The following LOC128462377 variants were observed in gnomAD, a reference collection of about 807,000 sequenced individuals.
chr16:89,336,655 G>A, the LOC128462377 span, among the ~76,000 whole-genome samples: 2 of 152,172 alleles, frequency 1.3e-5, no homozygotes, highest in South Asian at 4.1e-4. Context: ...CACCCCCCGG[G>A]TGGGCCACGA....
chr16:89,334,070 G>A, the LOC128462377 span, among the ~76,000 whole-genome samples: 1 of 147,922 alleles, frequency 6.8e-6, no homozygotes, highest in African/African-American at 2.5e-5. Context: ...CAAGCACTTT[G>A]GAAGGCTGAG....
chr16:89,354,117 G>A, the LOC128462377 span, among the ~76,000 whole-genome samples: 1 of 152,040 alleles, frequency 6.6e-6, no homozygotes, highest in African/African-American at 2.4e-5. Flanking sequence ...CGCCTGCAAG[G>A]TCACTCCACT....
chr16:89,381,354 A>AAAAAAAAAAAAAAAAAAAAAG, the LOC128462377 span, among the ~76,000 whole-genome samples: 1 of 125,332 alleles, frequency 8.0e-6, no homozygotes, highest in African/African-American at 3.3e-5. Flanking sequence ...AAAAAAAAAA[A>AAAAAAAAAAAAAAAAAAAAAG]GGGGTGAGAA....
chr16:89,371,344 G>A, the LOC128462377 span, among the ~76,000 whole-genome samples: 66 of 152,296 alleles, frequency 4.3e-4, no homozygotes, highest in African/African-American at 6.3e-4. Context: ...GACAAGCACC[G>A]CCAGTGTCCA....
chr16:89,378,976 G>C, the LOC128462377 span, among the ~76,000 whole-genome samples: 2 of 152,256 alleles, frequency 1.3e-5, no homozygotes, highest in African/African-American at 4.8e-5. Context: ...TCAAGGTTCT[G>C]ACGGCACACT....
chr16:89,386,837 G>C, the LOC128462377 span, among the ~76,000 whole-genome samples: 1 of 152,194 alleles, frequency 6.6e-6, no homozygotes, highest in Non-Finnish European at 1.5e-5. Flanking sequence ...TGAAGACTCA[G>C]TCCTATCACA....
chr16:89,318,310 TCA>T, the LOC128462377 span, among the ~76,000 whole-genome samples: 1 of 152,114 alleles, frequency 6.6e-6, no homozygotes, highest in African/African-American at 2.4e-5. Context: ...CCGGGTGCAC[TCA>T]CGAGAGGAAT....
At chr16:89,327,760 T>C in the LOC128462377 span, among the ~76,000 whole-genome samples, 3 of 152,158 alleles carry the variant, frequency 2.0e-5, no homozygotes, top group African/African-American at 7.2e-5. Flanking sequence ...TAGGTTCATA[T>C]GGAACAAAAC....
chr16:89,409,255 G>C, the LOC128462377 span, among the ~76,000 whole-genome samples: 1 of 152,230 alleles, frequency 6.6e-6, no homozygotes, highest in Non-Finnish European at 1.5e-5. Flanking sequence ...CTCAGACCAA[G>C]TCCTGGTGTT....
the LOC128462377 span, among the ~76,000 whole-genome samples, chr16:89,340,781 A>C: frequency 6.6e-6 from 1 of 152,248 alleles, no homozygotes; most frequent in Non-Finnish European, 1.5e-5. Flanking sequence ...AAGGGCCCAG[A>C]GAGCTCTGAA....
the LOC128462377 span, among the ~76,000 whole-genome samples, chr16:89,375,768 TAAAAA>T: frequency 1.2e-5 from 1 of 84,556 alleles, no homozygotes. Flanking sequence ...CTCCGTCTCT[TAAAAA>T]AAAAAAAAAA....
the LOC128462377 span, among the ~76,000 whole-genome samples, chr16:89,384,777 A>G: frequency 6.6e-6 from 1 of 152,050 alleles, no homozygotes; most frequent in Non-Finnish European, 1.5e-5. Context: ...GCACCTACAG[A>G]AAAAGCAGGC....
At chr16:89,399,469 C>T in the LOC128462377 span, among the ~76,000 whole-genome samples, 3 of 152,196 alleles carry the variant, frequency 2.0e-5, no homozygotes, top group African/African-American at 7.2e-5. Flanking sequence ...ACCGTGCAGA[C>T]AGCACAAAGA....
chr16:89,416,542 C>A, the LOC128462377 span, among the ~76,000 whole-genome samples: 1 of 152,270 alleles, frequency 6.6e-6, no homozygotes, highest in Admixed American at 6.5e-5. Context: ...AAGTGATCCA[C>A]CCACCTTGAC....
chr16:89,355,592 C>T, the LOC128462377 span, among the ~76,000 whole-genome samples: 1 of 152,114 alleles, frequency 6.6e-6, no homozygotes, highest in African/African-American at 2.4e-5. Context: ...TCACAACCAA[C>T]TCAAAAATAG....
the LOC128462377 span, among the ~76,000 whole-genome samples, chr16:89,407,779 G>A: frequency 6.6e-6 from 1 of 151,244 alleles, no homozygotes; most frequent in Admixed American, 6.6e-5. Context: ...GAGCCCAGGA[G>A]GCAGAGGCTG....
the LOC128462377 span, among the ~76,000 whole-genome samples, chr16:89,344,602 C>T: frequency 6.6e-6 from 1 of 152,040 alleles, no homozygotes; most frequent in Non-Finnish European, 1.5e-5. Context: ...ACAATGCAAG[C>T]GTCCGGGAGG....
chr16:89,354,243 C>CA, the LOC128462377 span, among the ~76,000 whole-genome samples: 59,181 of 126,046 alleles, frequency 0.47, 12,526 homozygotes, highest in Middle Eastern at 0.51. Flanking sequence ...TGCATTCAGC[C>CA]AAAAAAAAAA....
At chr16:89,395,320 C>A in the LOC128462377 span, among the ~76,000 whole-genome samples, 1 of 152,242 alleles carries the variant, frequency 6.6e-6, no homozygotes, top group South Asian at 2.1e-4. Flanking sequence ...ATCCTGGGAG[C>A]AGCGTCGGTG....
Sources: allele counts gnomAD v4.1 joint callset (sites outside exome capture counted in the v4.1 genomes callset), GRCh38; gene constraint gnomAD v4.1.1; transcripts MANE v1.5.